The following CFAP54 variants were observed in gnomAD, a reference collection of about 807,000 sequenced individuals.
CFAP54 encodes cilia and flagella associated protein 54.
CFAP54 carries 290 observed loss-of-function variants against 370.4 expected under a neutral mutation model. The ratio of observed to expected loss-of-function variants is 0.78; its 90% CI spans 0.71 to 0.86. The LOEUF (loss-of-function observed/expected upper bound fraction) is 0.86, where lower values mean the gene tolerates loss of function less well. CFAP54 is among the 40% of genes least tolerant of loss of function. The pLI is 0.00. For synonymous variants in CFAP54, 1,206 were observed against 1,236.5 expected (o/e 0.98, Z 0.52); for missense variants, 3,399 against 3,528.7 (o/e 0.96, Z 0.93).
intron 39 of CFAP54, among the ~76,000 whole-genome samples, chr12:96,677,868 C>T (rs751927630): frequency 6.6e-6 from 1 of 152,094 alleles, no homozygotes; most frequent in Admixed American, 6.5e-5. Context: ...AGAAAGTAAC[C>T]CTGTGTTACT....
intron 66 of CFAP54, among the ~76,000 whole-genome samples, chr12:96,849,428 C>T (rs17025970): frequency 0.012 from 1,799 of 152,142 alleles, 79 homozygotes; most frequent in East Asian, 0.11. Flanking sequence ...GGTCATGGAA[C>T]GCTTAGAATT....
At position 96,684,672 on chromosome 12, in the gene CFAP54, G is replaced by C; in HGVS notation, c.5741G>C (p.Arg1914Thr). ...GATGTTCTCCAAGCCAGCAATCAAAGAAGTCTTAAAGTTCAGGCGTTGCAT... is the reference window on the plus strand; with the variant it reads ...GATGTTCTCCAAGCCAGCAATCAAACAAGTCTTAAAGTTCAGGCGTTGCAT... ...TQDVLQASNQ[R>T]SLKVQALHSL... Residue 1914 changes from arginine to threonine, a missense_variant, in exon 41 of 68, where the codon AGA (arginine) becomes ACA (threonine). Arg to Thr is a moderately conservative substitution (Grantham distance 71). Transcript: ENST00000524981. The C allele has an allele frequency of 6.2e-7, 1 of 1,612,376 alleles. No homozygotes were observed. The highest frequency in any genetic ancestry group is 8.5e-7 in the Non-Finnish European group (1 of 1,179,438).
chr12:96,601,175 G>T (rs1214638407), intron 26 of CFAP54, among the ~76,000 whole-genome samples: 1 of 152,154 alleles, frequency 6.6e-6, no homozygotes, highest in East Asian at 1.9e-4. Context: ...AAGGGCTGTT[G>T]AATTTTGTCA....
chr12:96,648,085 A>G, intron 34 of CFAP54, 68 bp downstream of exon 34: 2 of 1,204,190 alleles, frequency 1.7e-6, no homozygotes, highest in Non-Finnish European at 2.2e-6. Flanking sequence ...AACACAGCAC[A>G]CATACACATT....
At chr12:96,578,732 T>C (rs1254161416) in intron 20 of CFAP54, among the ~76,000 whole-genome samples, 1 of 152,206 alleles carries the variant, frequency 6.6e-6, no homozygotes, top group African/African-American at 2.4e-5. Flanking sequence ...TAGATGGTGC[T>C]ATGGGCTTAA....
chr12:96,752,124 G>GAGAGAGAGAGAA, intron 55 of CFAP54, among the ~76,000 whole-genome samples: 1 of 149,830 alleles, frequency 6.7e-6, no homozygotes, highest in African/African-American at 2.5e-5. Flanking sequence ...GAGAGAGAGA[G>GAGAGAGAGAGAA]AGAGAGAGAT....
intron 36 of CFAP54, among the ~76,000 whole-genome samples, chr12:96,652,518 C>T (rs76659081): frequency 0.098 from 14,877 of 151,918 alleles, 906 homozygotes; most frequent in Middle Eastern, 0.16. Flanking sequence ...GAAAAGTCAA[C>T]GAAGTAAAAG....
At chr12:96,781,298 G>A (rs545603273) in intron 60 of CFAP54, among the ~76,000 whole-genome samples, 136 of 152,214 alleles carry the variant, frequency 8.9e-4, no homozygotes, top group African/African-American at 3.0e-3. Flanking sequence ...TATTCTTTAC[G>A]AATTCATGGT....
At chr12:96,804,137 A>G (rs1349199170) in intron 63 of CFAP54, among the ~76,000 whole-genome samples, 3 of 152,140 alleles carry the variant, frequency 2.0e-5, no homozygotes, top group African/African-American at 7.2e-5. Context: ...AGCAGAAGAA[A>G]GAATCTCAGA....
At chr12:96,520,320 G>A (rs1592828505) in intron 6 of CFAP54, among the ~76,000 whole-genome samples, 1 of 152,234 alleles carries the variant, frequency 6.6e-6, no homozygotes, top group East Asian at 1.9e-4. Context: ...AAGGCTGGTG[G>A]ATCACCTGAG....
At position 96,644,373 on chromosome 12, in the gene CFAP54, G is replaced by A. The variant is rs1388333347; in HGVS notation, c.4512G>A (p.Thr1504=). 15 of 1,535,738 alleles carry A rather than the reference G, an allele frequency of 9.8e-6. No homozygotes were observed. The highest frequency in any genetic ancestry group is 4.9e-5 in the East Asian group (2 of 40,914). The change falls in exon 33 of 68, where the codon ACG becomes ACA. Residue 1504 remains threonine (T), a synonymous_variant. Transcript: ENST00000524981. The part of the protein sequence containing the change: ...NLVLQKLWEC[T]KMKFGTSHMM... ...TTTTACAAAAGCTATGGGAGTGTAC[G>A]AAGATGAAATTTGGCACATCACATA...
intron 66 of CFAP54, among the ~76,000 whole-genome samples, chr12:96,840,773 T>G (rs1959208521): frequency 6.6e-6 from 1 of 152,138 alleles, no homozygotes; most frequent in South Asian, 2.1e-4. Context: ...CCACTTAATA[T>G]TCTTATAGTC....
intron 14 of CFAP54, among the ~76,000 whole-genome samples, chr12:96,544,207 C>T (rs4262768): frequency 0.13 from 15,401 of 115,488 alleles, 1,273 homozygotes; most frequent in East Asian, 0.5. Flanking sequence ...TATTGTTGTC[C>T]GCAGTTCCTG....
Position 96,720,423 on chromosome 12 carries a change from G to A in CFAP54, c.6823G>A (p.Ala2275Thr), listed in dbSNP as rs544643154. ...TCCTTAGTCGATGTTACTGATGGAA[G>A]CTGAGGACAGGCTAAACTTCCTTCT... is the stretch of plus-strand genomic sequence containing the variant. The part of the protein sequence containing the change: ...SMLKSMLLME[A>T]EDRLNFLLSE... Residue 2275 changes from alanine to threonine, a missense_variant, in exon 50 of 68, where the codon GCT becomes ACT. This residue lies in a region of CFAP54 where 2,796 missense variants were observed against 2,869.7 expected (regional missense o/e 0.97). Transcript: ENST00000524981. The A allele has an allele frequency of 1.9e-6, 3 of 1,546,400 alleles. No individual in the cohort carries two copies. In the South Asian group the frequency reaches 3.7e-5, roughly 19 times the overall value.
chr12:96,571,593 A>G (rs953146129), intron 19 of CFAP54, among the ~76,000 whole-genome samples: 1 of 152,150 alleles, frequency 6.6e-6, no homozygotes, highest in African/African-American at 2.4e-5. Context: ...AGAATGGTTT[A>G]TCTAGGTTTT....
At chr12:96,830,968 G>A (rs1959169184) in intron 66 of CFAP54, among the ~76,000 whole-genome samples, 1 of 150,698 alleles carries the variant, frequency 6.6e-6, no homozygotes, top group Admixed American at 6.6e-5. Context: ...GAACCGCTGA[G>A]CCCAGCCCAT....
Position 96,860,804 on chromosome 12 carries a change from T to C in CFAP54, c.9172-15T>C. 6.6e-7 allele frequency: 1 copy of C among 1,519,662 alleles called. No homozygotes were observed. Among genetic ancestry groups the C allele is most frequent in the South Asian group, 1.2e-5 (1 of 80,058 alleles). 94.1% of individuals were successfully genotyped at this position (1,519,662 alleles called of 1,614,324 possible). On this transcript the variant is annotated splice_polypyrimidine_tract_variant and intron_variant, in intron 66 of 67. Transcript: ENST00000524981. Reference sequence around the variant, plus strand: ...AAACAATGCATTTCATGAACACTTTTATGTTTTTCCTCAGGTCCCATTTGA... The same window carrying C: ...AAACAATGCATTTCATGAACACTTTCATGTTTTTCCTCAGGTCCCATTTGA...
chr12:96,802,118 G>C (rs1462102506), intron 63 of CFAP54, among the ~76,000 whole-genome samples: 1 of 152,022 alleles, frequency 6.6e-6, no homozygotes, highest in Admixed American at 6.5e-5. Context: ...TTGAGTTGAT[G>C]TGGCAGCAGC....
chr12:96,645,062 T>C (rs1956773224), intron 33 of CFAP54: 1 of 436,608 alleles, frequency 2.3e-6, no homozygotes, highest in Admixed American at 2.5e-5. Flanking sequence ...TAAATGTAGA[T>C]ATTAGTAGGC....
Sources: allele counts gnomAD v4.1 joint callset (sites outside exome capture counted in the v4.1 genomes callset), GRCh38; gene constraint gnomAD v4.1.1; regional missense constraint gnomAD v4.1.1; transcripts MANE v1.5; gene names NCBI Gene and HGNC (gene_info 2026-07-23, HGNC 2026-07-21).